The following SPMIP8 variants were observed in gnomAD, a reference collection of about 807,000 sequenced individuals.
SPMIP8 encodes sperm microtubule inner protein 8.
the SPMIP8 span, chr16:57,984,255 A>C: frequency 1.3e-6 from 2 of 1,595,200 alleles, no homozygotes; most frequent in Non-Finnish European, 1.7e-6. Flanking sequence ...ATGACCTCTG[A>C]CCACTGGTGA....
chr16:57,976,748 GCCCCCT>G, the SPMIP8 span: 1 of 1,247,646 alleles, frequency 8.0e-7, no homozygotes, highest in Non-Finnish European at 1.1e-6. Context: ...TTGTCACCAT[GCCCCCT>G]CCCTGCTCCT....
chr16:57,985,212 G>A, the SPMIP8 span: 1 of 1,539,850 alleles, frequency 6.5e-7, no homozygotes, highest in Non-Finnish European at 8.7e-7. Flanking sequence ...GCAGCGGAGG[G>A]TCTCAGCGGC....
chr16:57,984,674 C>T, the SPMIP8 span: 1 of 1,595,288 alleles, frequency 6.3e-7, no homozygotes, highest in Non-Finnish European at 8.5e-7. Context: ...GCAACAGGTA[C>T]CACGAGGGAA....
At chr16:57,984,337 G>C in the SPMIP8 span, 7 of 1,614,046 alleles carry the variant, frequency 4.3e-6, no homozygotes, top group African/African-American at 9.3e-5. Flanking sequence ...CACTCCTTGG[G>C]GTCCCCAACA....
chr16:57,987,455 T>G, the SPMIP8 span: 3 of 1,576,622 alleles, frequency 1.9e-6, no homozygotes, highest in South Asian at 3.5e-5. Context: ...ACTCCCAGGC[T>G]GCCGGACGGT....
At chr16:57,980,914 T>C in the SPMIP8 span, among the ~76,000 whole-genome samples, 110 of 152,232 alleles carry the variant, frequency 7.2e-4, no homozygotes, top group Admixed American at 4.5e-3. Context: ...AGGGTTACAC[T>C]ATGTTGCCAG....
the SPMIP8 span, chr16:57,985,070 G>C: frequency 2.6e-6 from 3 of 1,147,828 alleles, no homozygotes; most frequent in South Asian, 3.3e-5. Flanking sequence ...AGCGGAGGCG[G>C]GACCTGTTCT....
the SPMIP8 span, among the ~76,000 whole-genome samples, chr16:57,980,978 G>C: frequency 1.1e-4 from 17 of 152,172 alleles, no homozygotes; most frequent in African/African-American, 3.9e-4. Flanking sequence ...GCCTCCCGAA[G>C]TGTTGGAATT....
the SPMIP8 span, among the ~76,000 whole-genome samples, chr16:57,984,974 C>A: frequency 1.3e-5 from 2 of 151,996 alleles, no homozygotes; most frequent in Admixed American, 1.3e-4. Flanking sequence ...CCGAGACGTG[C>A]GCGCGGATCT....
chr16:57,986,110 C>A, the SPMIP8 span: 1 of 779,018 alleles, frequency 1.3e-6, no homozygotes, highest in South Asian at 2.5e-5. Context: ...AGAGATCCGC[C>A]CCTGGCAAAT....
At chr16:57,987,498 T>A in the SPMIP8 span, 1 of 1,504,636 alleles carries the variant, frequency 6.6e-7, no homozygotes, top group East Asian at 2.5e-5. Context: ...GACAGAGGAC[T>A]TATGGTGGCA....
chr16:57,978,011 C>T, the SPMIP8 span: 26 of 1,614,108 alleles, frequency 1.6e-5, no homozygotes, highest in Non-Finnish European at 2.2e-5. Context: ...CTGATGAGCA[C>T]TGCCAGTCCA....
the SPMIP8 span, among the ~76,000 whole-genome samples, chr16:57,981,794 C>A: frequency 6.6e-6 from 1 of 151,986 alleles, no homozygotes. Flanking sequence ...GCGTAGCCAC[C>A]GCACCTGGCC....
At chr16:57,978,129 C>T in the SPMIP8 span, 1 of 1,412,882 alleles carries the variant, frequency 7.1e-7, no homozygotes, top group Non-Finnish European at 9.6e-7. Context: ...AGAGGCCAGT[C>T]CCAGCTCTGC....
the SPMIP8 span, among the ~76,000 whole-genome samples, chr16:57,978,934 A>G: frequency 6.6e-6 from 1 of 152,086 alleles, no homozygotes; most frequent in Non-Finnish European, 1.5e-5. Flanking sequence ...ATTAATGGAG[A>G]GAGAACTGGG....
the SPMIP8 span, chr16:57,977,764 T>C: frequency 1.9e-6 from 3 of 1,569,052 alleles, no homozygotes; most frequent in Non-Finnish European, 2.6e-6. Context: ...GAGAAGGGTG[T>C]CTGGCCAGCA....
the SPMIP8 span, among the ~76,000 whole-genome samples, chr16:57,977,579 GTGTGTGTA>G: frequency 5.7e-5 from 8 of 140,060 alleles, no homozygotes; most frequent in East Asian, 2.0e-4. Context: ...GTGTGTGTGT[GTGTGTGTA>G]TGTGTGTGTT....
chr16:57,985,038 G>C, the SPMIP8 span: 2 of 1,080,922 alleles, frequency 1.9e-6, no homozygotes, highest in East Asian at 2.7e-5. Context: ...CCTTCGGGCC[G>C]GGGGCTTTGC....
chr16:57,984,156 G>C, the SPMIP8 span: 1 of 721,000 alleles, frequency 1.4e-6, no homozygotes, highest in South Asian at 1.6e-5. Context: ...CACCCGCCTC[G>C]GCCTCCTGAA....
Sources: allele counts gnomAD v4.1 joint callset (sites outside exome capture counted in the v4.1 genomes callset), GRCh38; gene constraint gnomAD v4.1.1; transcripts MANE v1.5; gene names NCBI Gene and HGNC (gene_info 2026-07-23, HGNC 2026-07-21).